Variants in CHSY1 observed in about 807,000 individuals in gnomAD.
CHSY1 encodes the protein N-acetylgalactosaminyl-proteoglycan 3-beta-glucuronosyltransferase 1.
Under a neutral mutation model 59.8 loss-of-function variants are expected in CHSY1, and 13 were observed. That is an observed-to-expected ratio of 0.22 (90% CI 0.14 to 0.35). The LOEUF is 0.35. Among genes scored for constraint, CHSY1 ranks in the 10% least tolerant of loss-of-function variants. CHSY1 has a pLI of 1.00. For missense variants in CHSY1, 947 were observed against 1,030.6 expected (o/e 0.92, Z 1.11); for synonymous variants, 459 against 401.2 (o/e 1.14, Z -1.72).
intron 1 of CHSY1, among the ~76,000 whole-genome samples, chr15:101,239,397 G>A (rs1027165754): frequency 6.6e-6 from 1 of 152,222 alleles, no homozygotes; most frequent in Non-Finnish European, 1.5e-5. Flanking sequence ...ACCAACTAAG[G>A]AGGCGAATCT....
intron 2 of CHSY1, among the ~76,000 whole-genome samples, chr15:101,181,113 T>A (rs2038272672): frequency 6.6e-6 from 1 of 152,192 alleles, no homozygotes; most frequent in Admixed American, 6.5e-5. Context: ...AAGCCATGCT[T>A]CCTGTTCCAC....
intron 2 of CHSY1, among the ~76,000 whole-genome samples, chr15:101,196,390 G>C (rs1396680127): frequency 6.6e-6 from 1 of 152,102 alleles, no homozygotes; most frequent in African/African-American, 2.4e-5. Context: ...CTGATGTGAA[G>C]GCCAGGTGTC....
At chr15:101,198,369 A>C (rs2038531565) in intron 2 of CHSY1, among the ~76,000 whole-genome samples, 1 of 152,152 alleles carries the variant, frequency 6.6e-6, no homozygotes, top group Non-Finnish European at 1.5e-5. Context: ...TGGACAGAGA[A>C]ATTAACATCT....
chr15:101,195,809 C>G (rs907064817), intron 2 of CHSY1, among the ~76,000 whole-genome samples: 4 of 110,772 alleles, frequency 3.6e-5, no homozygotes, highest in Non-Finnish European at 7.0e-5. Flanking sequence ...TGGGTGACAG[C>G]AAGACTCCGT....
chr15:101,196,764 C>T lies in CHSY1; in HGVS notation c.817-17784G>A, dbSNP rs1393853641. ...ATAGGCTGGGCATGGTGGCTCATGC[C>T]TATAATCCCAGCACTTTGGGAGGTC... On this transcript the variant is annotated intron_variant, in intron 2 of 2. Coordinates refer to ENST00000254190, the MANE Select transcript of CHSY1 (RefSeq NM_014918.5). 2.6e-5 allele frequency among the ~76,000 whole-genome samples: 4 copies of T among 152,330 alleles called. No individual in the cohort carries two copies. The East Asian group carries it at 7.7e-4, about 29-fold the overall frequency.
chr15:101,217,294 T>C (rs2038743684), intron 2 of CHSY1, among the ~76,000 whole-genome samples: 1 of 152,230 alleles, frequency 6.6e-6, no homozygotes, highest in African/African-American at 2.4e-5. Flanking sequence ...CAATTCATGC[T>C]ATCAATTCAT....
intron 2 of CHSY1, among the ~76,000 whole-genome samples, chr15:101,207,660 C>T (rs1486722680): frequency 6.6e-6 from 1 of 152,150 alleles, no homozygotes; most frequent in African/African-American, 2.4e-5. Flanking sequence ...GAAAATAGAT[C>T]TTCCAGAATA....
At position 101,196,931 on chromosome 15, in the gene CHSY1, A is replaced by G. The variant is rs112153253; in HGVS notation, c.817-17951T>C. Among the ~76,000 whole-genome samples the G allele has an allele frequency of 3.2e-3, 492 of 152,368 alleles. 1 individual carries two copies. Among genetic ancestry groups the G allele is most frequent in the African/African-American group, 0.011 (456 of 41,578 alleles). On this transcript the variant is annotated intron_variant, in intron 2 of 2. Transcript: ENST00000254190. ...TGGCTGTATGTGACCCCAGCAATTC[A>G]GTGAACTACTGGTACATTCCTAGAA...
intron 1 of CHSY1, among the ~76,000 whole-genome samples, chr15:101,239,597 G>C (rs2038981759): frequency 6.6e-6 from 1 of 152,194 alleles, no homozygotes; most frequent in Non-Finnish European, 1.5e-5. Context: ...TTATTATTAA[G>C]GAAGACAAGA....
Position 101,176,192 on chromosome 15 carries a change from ACT to A in CHSY1, c.*1194_*1195del. ...ACATAAATAATACTAACTAACAGGT[ACT>A]CAAGAAATGGCAGAGCTCTGAACAA... is the stretch of plus-strand genomic sequence containing the variant. On this transcript the variant is annotated 3_prime_UTR_variant, in exon 3 of 3. Coordinates refer to ENST00000254190, the MANE Select transcript of CHSY1 (RefSeq NM_014918.5). 2.5e-6 allele frequency: 1 copy of A among 398,780 alleles called. No individual in the cohort carries two copies. Among genetic ancestry groups the A allele is most frequent in the Non-Finnish European group, 4.4e-6 (1 of 225,976 alleles). 24.7% of individuals were successfully genotyped at this position (398,780 alleles called of 1,614,324 possible). A position where few individuals can be genotyped will look rare whatever the true frequency, so the allele number is the denominator to read the frequency against.
chr15:101,241,958 C>A (rs1213793178), intron 1 of CHSY1, among the ~76,000 whole-genome samples: 1 of 152,178 alleles, frequency 6.6e-6, no homozygotes, highest in Non-Finnish European at 1.5e-5. Context: ...TTTAAATAGT[C>A]TCTAGATTAC....
rs1451768261 is a variant in CHSY1, at chr15:101,200,942, G to C, written c.817-21962C>G. ...CACAGTTCTGTGGATGAGGCAGGAG[G>C]TTCTCCCTCGCCATGTGTGCGAAGT... On this transcript the variant is annotated intron_variant, in intron 2 of 2. Transcript: ENST00000254190. Among the ~76,000 whole-genome samples the C allele has an allele frequency of 4.6e-5, 7 of 152,118 alleles. No homozygotes were observed. In the South Asian group the frequency reaches 1.5e-3, roughly 32 times the overall value.
chr15:101,184,778 C>A (rs1361570929), intron 2 of CHSY1, among the ~76,000 whole-genome samples: 1 of 152,220 alleles, frequency 6.6e-6, no homozygotes, highest in Non-Finnish European at 1.5e-5. Flanking sequence ...CAAGTCTACG[C>A]CCAGACTGGC....
At chr15:101,199,161 C>T (rs1464971064) in intron 2 of CHSY1, among the ~76,000 whole-genome samples, 1 of 152,182 alleles carries the variant, frequency 6.6e-6, no homozygotes, top group Non-Finnish European at 1.5e-5. Flanking sequence ...TTTGTGGACA[C>T]TGCGCCTCCA....
Position 101,235,576 on chromosome 15 carries a change from T to C in CHSY1, c.322A>G (p.Thr108Ala). The C allele has an allele frequency of 6.2e-7, 1 of 1,607,868 alleles. No homozygotes were observed. Among genetic ancestry groups the C allele is most frequent in the Non-Finnish European group, 8.5e-7 (1 of 1,179,918 alleles). Residue 108 changes from threonine to alanine, a missense_variant and splice_region_variant, in exon 2 of 3, where the codon ACA (threonine) becomes GCA (alanine). By Grantham distance (58) the Thr-to-Ala change is moderately conservative. Around this residue, in one of 4 missense-constraint regions of CHSY1, gnomAD observed 232 missense variants for 188.5 expected, o/e 1.23. Coordinates refer to ENST00000254190, the MANE Select transcript of CHSY1 (RefSeq NM_014918.5). The part of the protein sequence containing the change: ...LQTRAVAAYR[T>A]WSKTIPGKVQ... The stretch of plus-strand genomic sequence containing the variant: ...TTCCCAGGAATTGTCTTGGACCATG[T>C]TCTGGAATTAAAATAAATATCAGTT...
At chr15:101,191,830 T>C (rs1207690871) in intron 2 of CHSY1, among the ~76,000 whole-genome samples, 1 of 152,160 alleles carries the variant, frequency 6.6e-6, no homozygotes, top group Admixed American at 6.5e-5. Flanking sequence ...TGGTAGTACT[T>C]TTTCTCTGGC....
intron 1 of CHSY1, among the ~76,000 whole-genome samples, chr15:101,242,904 A>C (rs1347956102): frequency 3.3e-5 from 5 of 152,214 alleles, no homozygotes; most frequent in African/African-American, 9.6e-5. Flanking sequence ...GTCCAATCTC[A>C]AACCCTTTTT....
At chr15:101,192,657 C>T (rs11247274) in intron 2 of CHSY1, among the ~76,000 whole-genome samples, 89,521 of 152,154 alleles carry the variant, frequency 0.59, 26,743 homozygotes, top group African/African-American at 0.68. Flanking sequence ...GAGTTCTAAA[C>T]GCCTCCCTCG....
At chr15:101,204,693 CA>C (rs2038607589) in intron 2 of CHSY1, among the ~76,000 whole-genome samples, 1 of 151,956 alleles carries the variant, frequency 6.6e-6, no homozygotes, top group African/African-American at 2.4e-5. Flanking sequence ...CACTTGAGGA[CA>C]GGGGTTCAAG....
Sources: gnomAD v4.1 joint callset for allele counts (sites outside exome capture counted in the v4.1 genomes callset) on GRCh38, gnomAD v4.1.1 for gene constraint, gnomAD v4.1.1 regional missense constraint, MANE v1.5 for transcripts, NCBI Gene and HGNC (gene_info 2026-07-23, HGNC 2026-07-21) for gene names.